AGBL3: variants seen among roughly 807,000 people sequenced by gnomAD.
AGBL3 encodes AGBL carboxypeptidase 3.
In AGBL3, 68 loss-of-function variants were observed where a neutral mutation model predicts 94.5. The ratio of observed to expected loss-of-function variants is 0.72; its 90% CI spans 0.59 to 0.88. The LOEUF (loss-of-function observed/expected upper bound fraction) is 0.88. AGBL3 is among the 40% of genes least tolerant of loss of function. The probability of loss-of-function intolerance (pLI) is 0.00; values close to 1 mark genes in which losing one functional copy is unlikely to be tolerated. For synonymous variants in AGBL3, 354 were observed against 370.7 expected, an observed-to-expected ratio of 0.95 and a Z score of 0.52; for missense variants, 934 against 1,103.8, an observed-to-expected ratio of 0.85 and a Z score of 2.18.
At position 135,134,893 on chromosome 7, in the gene AGBL3, G is replaced by C. The variant is rs893666876; in HGVS notation, c.2395G>C (p.Ala799Pro). Reference protein sequence around the residue: ...NIKKYSTSWTAPRNHPFVIQG... With the variant: ...NIKKYSTSWTPPRNHPFVIQG... ...AAAGAAATACAGCACATCTTGGACA[G>C]CACCCAGAAATCACCCTTTTGTAAT... Residue 799 changes from alanine to proline, a missense_variant, in exon 17 of 17, where the codon GCA becomes CCA. Around this residue, in one of 3 missense-constraint regions of AGBL3, gnomAD observed 441 missense variants for 518.2 expected, o/e 0.85. Coordinates refer to ENST00000436302, the MANE Select transcript of AGBL3 (RefSeq NM_178563.4). The C allele has an allele frequency of 7.7e-6, 12 of 1,551,048 alleles. No homozygotes were observed. In the African/African-American group the frequency reaches 1.4e-4, roughly 18 times the overall value.
chr7:134,993,795 T>C lies in AGBL3; in HGVS notation c.310+117T>C, dbSNP rs960664630. On this transcript the variant is annotated intron_variant, in intron 4 of 16. Coordinates refer to ENST00000436302, the MANE Select transcript of AGBL3 (RefSeq NM_178563.4). Reference sequence around the variant, plus strand: ...AGCACATTCCAACAGAAATATAACATGAGCCACATAATGTAATTTTAAATT... The same window carrying C: ...AGCACATTCCAACAGAAATATAACACGAGCCACATAATGTAATTTTAAATT... 7.1e-6 allele frequency: 6 copies of C among 839,646 alleles called. No homozygotes were observed. In the African/African-American group the frequency reaches 1.1e-4, roughly 15 times the overall value. 52.0% of individuals were successfully genotyped at this position (839,646 alleles called of 1,614,324 possible).
intron 11 of AGBL3, among the ~76,000 whole-genome samples, chr7:135,056,722 A>C (rs1430479999): frequency 6.6e-6 from 1 of 152,134 alleles, no homozygotes; most frequent in East Asian, 1.9e-4. Flanking sequence ...ACAAACTCTG[A>C]GGAAAGAAAT....
Position 135,076,469 on chromosome 7 carries a change from G to T in AGBL3, c.1980+1G>T, listed in dbSNP as rs1256117783. ...CCACCAAAATGCCAGAGGACAAGAGGTAAATCTTCATTAATCTAGTTATTA... is the reference window on the plus strand; with the variant it reads ...CCACCAAAATGCCAGAGGACAAGAGTTAAATCTTCATTAATCTAGTTATTA... On this transcript the variant is annotated splice_donor_variant, in intron 13 of 16. Coordinates refer to ENST00000436302, the MANE Select transcript of AGBL3 (RefSeq NM_178563.4). LOFTEE classifies it high-confidence loss of function. 6.5e-7 allele frequency: 1 copy of T among 1,540,828 alleles called. No homozygotes were observed. Among genetic ancestry groups the T allele is most frequent in the Non-Finnish European group, 8.8e-7 (1 of 1,138,218 alleles).
chr7:135,017,208 G>C (rs1361129190), intron 5 of AGBL3, 49 bp downstream of exon 5: 9 of 1,285,356 alleles, frequency 7.0e-6, no homozygotes, highest in Non-Finnish European at 9.9e-6. Flanking sequence ...TTGGTACTTA[G>C]GTTAATCTCT....
intron 2 of AGBL3, chr7:134,988,288 G>A (rs1327301172): frequency 3.7e-6 from 1 of 269,452 alleles, no homozygotes; most frequent in Non-Finnish European, 7.1e-6. Flanking sequence ...TTTAGTTTTA[G>A]GATTGATGTC....
At chr7:135,073,947 T>C (rs1820217675) in intron 12 of AGBL3, among the ~76,000 whole-genome samples, 2 of 152,126 alleles carry the variant, frequency 1.3e-5, no homozygotes, top group African/African-American at 4.8e-5. Context: ...CATAAGACAA[T>C]ATGAGGGGTG....
chr7:135,047,922 G>C (rs1029969981), intron 11 of AGBL3, among the ~76,000 whole-genome samples: 24 of 151,664 alleles, frequency 1.6e-4, no homozygotes, highest in Admixed American at 5.3e-4. Context: ...TTTTGGTGTC[G>C]TATCTATGAA....
At chr7:135,100,221 A>C (rs1823621255) in intron 15 of AGBL3, 1 of 151,942 alleles carries the variant, frequency 6.6e-6, no homozygotes, top group Admixed American at 6.6e-5. Context: ...TGGTGGCATA[A>C]GATAATTATC....
chr7:135,095,224 G>T (rs1822485717), intron 15 of AGBL3, among the ~76,000 whole-genome samples: 1 of 152,126 alleles, frequency 6.6e-6, no homozygotes, highest in South Asian at 2.1e-4. Context: ...TAAGGTCATA[G>T]CCCAGGAACA....
intron 5 of AGBL3, among the ~76,000 whole-genome samples, chr7:135,022,795 T>C (rs1814652466): frequency 6.6e-6 from 1 of 152,154 alleles, no homozygotes; most frequent in Non-Finnish European, 1.5e-5. Context: ...TGGTTGGATT[T>C]GCTTTTTATA....
At chr7:135,056,288 C>T (rs1009153258) in intron 11 of AGBL3, among the ~76,000 whole-genome samples, 14 of 151,778 alleles carry the variant, frequency 9.2e-5, no homozygotes, top group Admixed American at 5.9e-4. Context: ...GCTTGCATTA[C>T]GTCTCTATTT....
At chr7:134,989,064 G>A (rs920440594) in intron 2 of AGBL3, among the ~76,000 whole-genome samples, 186 bp from the exon 3 acceptor site, 5 of 152,144 alleles carry the variant, frequency 3.3e-5, no homozygotes, top group African/African-American at 1.2e-4. Context: ...CAAACTTTAA[G>A]GTTTCAGGAT....
chr7:135,079,304 GT>G (rs1433700121), intron 13 of AGBL3, among the ~76,000 whole-genome samples: 1 of 152,006 alleles, frequency 6.6e-6, no homozygotes, highest in East Asian at 1.9e-4. Context: ...TTTCTAGAAT[GT>G]TTCTTCCTTT....
intron 15 of AGBL3, among the ~76,000 whole-genome samples, chr7:135,089,040 T>C (rs1173744299): frequency 6.6e-6 from 1 of 150,496 alleles, no homozygotes; most frequent in Admixed American, 6.7e-5. Flanking sequence ...CCCATATGTC[T>C]TGCAGGTTTT....
intron 12 of AGBL3, among the ~76,000 whole-genome samples, chr7:135,061,387 T>C (rs193123718): frequency 6.6e-6 from 1 of 152,270 alleles, no homozygotes; most frequent in Non-Finnish European, 1.5e-5. Flanking sequence ...CTTTTTAGTT[T>C]GATGTAATCC....
intron 7 of AGBL3, 29 bp from the exon 8 acceptor site, chr7:135,037,389 A>G: frequency 1.3e-6 from 2 of 1,518,840 alleles, no homozygotes; most frequent in Non-Finnish European, 1.8e-6. Context: ...CAGAGATAAA[A>G]GTTAGTAACT....
chr7:134,999,790 C>T (rs1215273925), intron 4 of AGBL3, among the ~76,000 whole-genome samples: 1 of 152,244 alleles, frequency 6.6e-6, no homozygotes, highest in African/African-American at 2.4e-5. Context: ...TTTTTCATCA[C>T]TGCAAGGACA....
chr7:135,045,729 T>C, intron 10 of AGBL3, 70 bp from the exon 11 acceptor site: 2 of 1,360,960 alleles, frequency 1.5e-6, no homozygotes, highest in East Asian at 2.5e-5. Context: ...CAGGTGTCTA[T>C]AAATACTCAA....
chr7:135,070,480 A>C (rs1306070720), intron 12 of AGBL3, among the ~76,000 whole-genome samples: 1 of 152,226 alleles, frequency 6.6e-6, no homozygotes, highest in Non-Finnish European at 1.5e-5. Flanking sequence ...TCCTCAATAA[A>C]ATACTGGCAA....
Sources: allele counts gnomAD v4.1 joint callset (sites outside exome capture counted in the v4.1 genomes callset), GRCh38; gene constraint gnomAD v4.1.1; regional missense constraint gnomAD v4.1.1; transcripts MANE v1.5; gene names NCBI Gene and HGNC (gene_info 2026-07-23, HGNC 2026-07-21).